ARHGAP6: variants seen among roughly 807,000 people sequenced by gnomAD.
ARHGAP6 encodes Rho GTPase activating protein 6.
ARHGAP6 carries 16 observed loss-of-function variants against 55.7 expected under a neutral mutation model. The observed-to-expected ratio is 0.29, with a 90% CI of 0.19 to 0.44. ARHGAP6 has a LOEUF of 0.44. Among genes scored for constraint, ARHGAP6 ranks in the 20% least tolerant of loss-of-function variants. The probability of loss-of-function intolerance (pLI) is 1.00; values close to 1 mark genes in which losing one functional copy is unlikely to be tolerated. For missense variants in ARHGAP6, 698 were observed against 808.9 expected (o/e 0.86, Z 1.66); for synonymous variants, 382 against 360.9 (o/e 1.06, Z -0.66).
chrX:11,261,773 T>C, intron 1 of ARHGAP6, among the ~76,000 whole-genome samples: 1 of 111,530 alleles, frequency 9.0e-6, no homozygotes, highest in Middle Eastern at 4.6e-3. Context: ...TTGCCCCCAG[T>C]GAGCATTTAG....
intron 1 of ARHGAP6, among the ~76,000 whole-genome samples, chrX:11,446,779 G>A (rs893443240): frequency 1.8e-5 from 2 of 111,937 alleles, no homozygotes; most frequent in Non-Finnish European, 3.8e-5. Context: ...ACATAACTTC[G>A]ATTGACATTT....
chrX:11,206,397 A>G (rs5979383), intron 2 of ARHGAP6, among the ~76,000 whole-genome samples: 2,565 of 111,191 alleles, frequency 0.023, 29 homozygotes, highest in Middle Eastern at 0.068. Flanking sequence ...AGTGCCCTTG[A>G]CCTCCCAAGA....
At chrX:11,143,209 C>A (rs1446786607) in intron 11 of ARHGAP6, 3 of 112,024 alleles carry the variant, frequency 2.7e-5, no homozygotes, top group African/African-American at 6.5e-5. Flanking sequence ...AGTTCACATG[C>A]GTTATCTCAC....
rs1367611131 is a variant in ARHGAP6, at chrX:11,574,246, A to T, written c.588+89995T>A. Among the ~76,000 whole-genome samples, 4 of 111,681 alleles carry T rather than the reference A, an allele frequency of 3.6e-5. No individual in the cohort carries two copies. The East Asian group carries it at 1.1e-3, about 31-fold the overall frequency. ...TTTATGAGGCCAGCAGCATCCTGAT[A>T]CCAAAGCCAGGCAGAGACACAACCA... On this transcript the variant is annotated intron_variant, in intron 1 of 12. Transcript: ENST00000337414.
At chrX:11,358,489 T>C (rs376891094) in intron 1 of ARHGAP6, among the ~76,000 whole-genome samples, 24 of 71,149 alleles carry the variant, frequency 3.4e-4, no homozygotes, top group African/African-American at 5.4e-4. Flanking sequence ...TTCTTTCTTT[T>C]TTTTTTTTTG....
chrX:11,573,528 C>G (rs2051556046), intron 1 of ARHGAP6, among the ~76,000 whole-genome samples: 1 of 109,252 alleles, frequency 9.2e-6, no homozygotes, highest in African/African-American at 3.3e-5. Context: ...GGGCTCTGTT[C>G]TGTTCCATTG....
intron 1 of ARHGAP6, among the ~76,000 whole-genome samples, chrX:11,517,270 G>A (rs1026810418): frequency 9.0e-6 from 1 of 111,550 alleles, no homozygotes; most frequent in Non-Finnish European, 1.9e-5. Context: ...CTAGGAACTG[G>A]CACACTGTCA....
intron 2 of ARHGAP6, among the ~76,000 whole-genome samples, chrX:11,197,696 A>C (rs1247997985): frequency 8.9e-6 from 1 of 112,327 alleles, no homozygotes; most frequent in Non-Finnish European, 1.9e-5. Context: ...TGTTTACTAT[A>C]ATAAGTCAGA....
intron 1 of ARHGAP6, among the ~76,000 whole-genome samples, chrX:11,654,695 A>C (rs1298802599): frequency 9.0e-6 from 1 of 111,576 alleles, no homozygotes; most frequent in African/African-American, 3.3e-5. Flanking sequence ...CACAGTAACC[A>C]ATCTCAGAAA....
chrX:11,569,904 G>T (rs1257034720), intron 1 of ARHGAP6, among the ~76,000 whole-genome samples: 2 of 112,173 alleles, frequency 1.8e-5, no homozygotes, highest in Non-Finnish European at 3.8e-5. Flanking sequence ...AATGTTGGCT[G>T]AGCAGAAGCC....
chrX:11,199,969 C>G (rs915438797), intron 2 of ARHGAP6, among the ~76,000 whole-genome samples: 4 of 112,159 alleles, frequency 3.6e-5, no homozygotes, highest in Non-Finnish European at 7.5e-5. Flanking sequence ...CTTGGAGTCC[C>G]CCATTTTTGA....
At chrX:11,341,765 G>A (rs746625032) in intron 1 of ARHGAP6, among the ~76,000 whole-genome samples, 35 of 111,746 alleles carry the variant, frequency 3.1e-4, no homozygotes, top group Admixed American at 1.4e-3. Flanking sequence ...AAAGTTATAC[G>A]GGCTGATAAA....
At position 11,186,435 on chromosome X, in the gene ARHGAP6, C is replaced by A. The variant is rs200642381; in HGVS notation, c.1078-4G>T. Reference sequence around the variant, plus strand: ...TAGAATCCACTGACATGGCACCCTGCAAGTGACACAGAGCCGTGAACATAA... The same window carrying A: ...TAGAATCCACTGACATGGCACCCTGAAAGTGACACAGAGCCGTGAACATAA... On this transcript the variant is annotated splice_polypyrimidine_tract_variant and splice_region_variant and intron_variant, in intron 4 of 12. Transcript: ENST00000337414. 8.3e-7 allele frequency: 1 copy of A among 1,204,732 alleles called. No individual in the cohort carries two copies. Among genetic ancestry groups the A allele is most frequent in the East Asian group, 3.0e-5 (1 of 33,699 alleles).
At chrX:11,609,619 T>C (rs1264914058) in intron 1 of ARHGAP6, among the ~76,000 whole-genome samples, 1 of 111,886 alleles carries the variant, frequency 8.9e-6, no homozygotes, top group African/African-American at 3.3e-5. Context: ...GACCTTGCAG[T>C]GGCAACCTAT....
intron 1 of ARHGAP6, among the ~76,000 whole-genome samples, chrX:11,403,879 A>C (rs996210255): frequency 8.9e-6 from 1 of 112,557 alleles, no homozygotes; most frequent in African/African-American, 3.2e-5. Flanking sequence ...GACATACTTA[A>C]ACCACGTTAA....
intron 1 of ARHGAP6, among the ~76,000 whole-genome samples, chrX:11,477,161 TAA>T (rs34155965): frequency 0.01 from 876 of 86,615 alleles, 4 homozygotes; most frequent in Non-Finnish European, 0.014. Context: ...TCAAATATGA[TAA>T]AAAAAAAAAA....
At chrX:11,570,610 T>A (rs1027824776) in intron 1 of ARHGAP6, among the ~76,000 whole-genome samples, 3 of 110,800 alleles carry the variant, frequency 2.7e-5, no homozygotes, top group Non-Finnish European at 5.7e-5. Flanking sequence ...AACTGAGGCA[T>A]GGGGAATCAG....
intron 1 of ARHGAP6, chrX:11,427,815 AGAG>A (rs775959764): frequency 0.09 from 17,269 of 192,285 alleles, 2,023 homozygotes; most frequent in East Asian, 0.5. Context: ...GGGAGGGGGA[AGAG>A]GAGGAGGAGG....
intron 1 of ARHGAP6, among the ~76,000 whole-genome samples, chrX:11,663,850 A>G (rs1011067267): frequency 8.9e-6 from 1 of 112,879 alleles, no homozygotes; most frequent in Non-Finnish European, 1.9e-5. Context: ...AAGATGGCAG[A>G]CATATTTCAA....
Sources: allele counts gnomAD v4.1 joint callset (sites outside exome capture counted in the v4.1 genomes callset), GRCh38; gene constraint gnomAD v4.1.1; transcripts MANE v1.5; gene names NCBI Gene and HGNC (gene_info 2026-07-23, HGNC 2026-07-21).